The following WSCD2 variants were observed in gnomAD, a reference collection of about 807,000 sequenced individuals.
The protein encoded by WSCD2 is WSC domain sialate O sulfotransferase 2.
A neutral mutation model predicts 55.7 loss-of-function variants in WSCD2; 28 were observed. The observed-to-expected ratio is 0.50, with a 90% confidence interval of 0.37 to 0.69. The LOEUF (loss-of-function observed/expected upper bound fraction) is 0.69. Ranked by LOEUF, WSCD2 falls within the 30% of genes least tolerant of loss-of-function variation. The pLI is 0.00. For missense variants in WSCD2, 616 were observed against 762.1 expected (o/e 0.81, Z 2.26); for synonymous variants, 301 against 301.9 (o/e 1.00, Z 0.03).
intron 8 of WSCD2, among the ~76,000 whole-genome samples, chr12:108,247,550 AGTT>A (rs1482849953): frequency 8.6e-5 from 13 of 152,010 alleles, no homozygotes; most frequent in Admixed American, 2.0e-4. Flanking sequence ...AATTGAGCTA[AGTT>A]GTTATTCTTT....
chr12:108,206,182 TA>T, intron 2 of WSCD2, 106 bp from the exon 3 acceptor site: 2 of 898,634 alleles, frequency 2.2e-6, no homozygotes, highest in Non-Finnish European at 3.6e-6. Context: ...GACTTGACAT[TA>T]AAAGGTCAAC....
intron 1 of WSCD2, among the ~76,000 whole-genome samples, chr12:108,190,805 G>A (rs1442335479): frequency 2.0e-5 from 3 of 152,202 alleles, no homozygotes; most frequent in Non-Finnish European, 4.4e-5. Context: ...GGGAGGCAGA[G>A]TAGAGGTCGT....
At chr12:108,225,006 T>C in intron 5 of WSCD2, 146 bp downstream of exon 5, 1 of 1,242,730 alleles carries the variant, frequency 8.0e-7, no homozygotes, top group Non-Finnish European at 1.1e-6. Flanking sequence ...GAGAGGGATG[T>C]GACCATTTCA....
intron 4 of WSCD2, among the ~76,000 whole-genome samples, chr12:108,218,872 T>A (rs1013727425): frequency 1.3e-5 from 2 of 152,210 alleles, no homozygotes; most frequent in African/African-American, 4.8e-5. Flanking sequence ...CTTGGCATCC[T>A]GAGAAAAGAC....
intron 1 of WSCD2, among the ~76,000 whole-genome samples, chr12:108,139,737 A>G (rs1876590513): frequency 6.6e-6 from 1 of 152,260 alleles, no homozygotes; most frequent in South Asian, 2.1e-4. Context: ...GTAAATGCTC[A>G]GAACAATATT....
At chr12:108,237,934 G>A (rs1889397771) in intron 7 of WSCD2, among the ~76,000 whole-genome samples, 1 of 152,140 alleles carries the variant, frequency 6.6e-6, no homozygotes, top group Admixed American at 6.5e-5. Context: ...CATGTTTCTG[G>A]CAATTTATTT....
At chr12:108,212,584 C>G (rs11613519) in intron 4 of WSCD2, among the ~76,000 whole-genome samples, 9,885 of 140,068 alleles carry the variant, frequency 0.071, 436 homozygotes, top group South Asian at 0.1. Context: ...GTCTCTCCAC[C>G]CCCATTTCTC....
chr12:108,166,775 T>TTCTTTCTTTC (rs1879687550), intron 1 of WSCD2, among the ~76,000 whole-genome samples: 2 of 139,110 alleles, frequency 1.4e-5, no homozygotes, highest in African/African-American at 5.1e-5. Context: ...CTTTCTTTCT[T>TTCTTTCTTTC]TCTTTCTTTC....
chr12:108,162,559 AT>A (rs1193729877), intron 1 of WSCD2, among the ~76,000 whole-genome samples: 1 of 152,180 alleles, frequency 6.6e-6, no homozygotes, highest in Non-Finnish European at 1.5e-5. Context: ...CTTGGCATCT[AT>A]TTTTCCCAAA....
intron 8 of WSCD2, among the ~76,000 whole-genome samples, chr12:108,243,910 AC>A (rs929988497): frequency 9.2e-5 from 14 of 151,440 alleles, no homozygotes; most frequent in African/African-American, 3.4e-4. Context: ...TAGAACCACC[AC>A]CCCCACTCTG....
In WSCD2 at chr12:108,250,413, T is replaced by G. The variant is rs1470147585; in HGVS notation, c.*2070T>G. 2 of 152,246 alleles carry G rather than the reference T, an allele frequency of 1.3e-5. No homozygotes were observed. The highest frequency in any genetic ancestry group is 2.9e-5 in the Non-Finnish European group (2 of 68,080). The allele number at this position is 152,246 out of a possible 1,614,324, so 9.4% of individuals were successfully genotyped here. A position where few individuals can be genotyped will look rare whatever the true frequency, so the allele number is the denominator to read the frequency against. ...AATTGCCTTTGTGTTCTCCTGCCTT[T>G]CTATGTTTTGAAACTGTATCCCACA... On this transcript the variant is annotated 3_prime_UTR_variant, in exon 9 of 9. Transcript: ENST00000547525.
chr12:108,158,944 T>G (rs1878794604), intron 1 of WSCD2, among the ~76,000 whole-genome samples: 1 of 152,186 alleles, frequency 6.6e-6, no homozygotes, highest in African/African-American at 2.4e-5. Flanking sequence ...GGTATTCTGA[T>G]CCAAGCCATC....
intron 2 of WSCD2, among the ~76,000 whole-genome samples, chr12:108,197,352 C>T (rs547471705): frequency 6.6e-6 from 1 of 152,334 alleles, no homozygotes; most frequent in African/African-American, 2.4e-5. Flanking sequence ...CTCTATCTTT[C>T]TGCCCTCAGG....
At chr12:108,144,086 C>T (rs142122912) in intron 1 of WSCD2, among the ~76,000 whole-genome samples, 1 of 152,126 alleles carries the variant, frequency 6.6e-6, no homozygotes, top group East Asian at 1.9e-4. Flanking sequence ...GAGAATTCCA[C>T]TAATTCGGGC....
intron 3 of WSCD2, among the ~76,000 whole-genome samples, chr12:108,208,891 C>G (rs1454905278): frequency 1.3e-5 from 2 of 152,210 alleles, no homozygotes; most frequent in Non-Finnish European, 2.9e-5. Flanking sequence ...ATATTATATT[C>G]TAGAGAATAA....
Position 108,210,075 on chromosome 12 carries a change from G to C in WSCD2, c.498-46G>C, listed in dbSNP as rs1416937163. 1 of 1,612,682 alleles carries C rather than the reference G, an allele frequency of 6.2e-7. No homozygotes were observed. Among genetic ancestry groups the C allele is most frequent in the Non-Finnish European group, 8.5e-7 (1 of 1,179,124 alleles). On this transcript the variant is annotated intron_variant, in intron 3 of 8. Coordinates refer to ENST00000547525, the MANE Select transcript of WSCD2 (RefSeq NM_014653.4). The surrounding 1 kb of genome is among the most constrained non-coding windows in gnomAD (Gnocchi z 4.3). ...TCCATGTTGTGTCTCCCTGCCTCGG[G>C]GTCTCCATGGTGGCAGCTACCCTGC...
chr12:108,210,273 G>C lies in WSCD2; in HGVS notation c.650G>C (p.Arg217Pro). The change falls in exon 4 of 9, where the codon CGG becomes CCG. Residue 217 changes from arginine (R) to proline (P), a missense_variant. Transcript: ENST00000547525. This position sits in a 1 kb window ranked among gnomAD's most constrained non-coding sequence, Gnocchi z 4.3. Reference sequence around the variant, plus strand: ...GGCGCCAACCGCCTCTCTGTCTACCGGCTGCAGCTGGCCCAGGAGTCGGCC... The same window carrying C: ...GGCGCCAACCGCCTCTCTGTCTACCCGCTGCAGCTGGCCCAGGAGTCGGCC... ...CGGANRLSVY[R>P]LQLAQESARR... The C allele has an allele frequency of 6.2e-7, 1 of 1,602,936 alleles. No homozygotes were observed. The highest frequency in any genetic ancestry group is 8.5e-7 in the Non-Finnish European group (1 of 1,175,476).
chr12:108,248,100 G>A lies in WSCD2; in HGVS notation c.1455G>A (p.Gln485=). 6.2e-7 allele frequency: 1 copy of A among 1,614,236 alleles called. No homozygotes were observed. The highest frequency in any genetic ancestry group is 8.5e-7 in the Non-Finnish European group (1 of 1,180,050). ...VLVVHFEDLK[Q]DLFVQLGRMV... ...TGGTGCACTTTGAGGACCTGAAGCAGGACCTCTTTGTCCAGCTGGGCCGGA... is the reference window on the plus strand; with the variant it reads ...TGGTGCACTTTGAGGACCTGAAGCAAGACCTCTTTGTCCAGCTGGGCCGGA... Residue 485 remains glutamine (Q), a synonymous_variant, in exon 9 of 9, where the codon CAG becomes CAA. Coordinates refer to ENST00000547525, the MANE Select transcript of WSCD2 (RefSeq NM_014653.4). This position sits in a 1 kb window ranked among gnomAD's most constrained non-coding sequence, Gnocchi z 4.3.
At position 108,210,682 on chromosome 12, in the gene WSCD2, C is replaced by T. The variant is rs1354741021; in HGVS notation, c.682+377C>T. On this transcript the variant is annotated intron_variant, in intron 4 of 8. Coordinates refer to ENST00000547525, the MANE Select transcript of WSCD2 (RefSeq NM_014653.4). This position sits in a 1 kb window ranked among gnomAD's most constrained non-coding sequence, Gnocchi z 4.3. ...GTAATGGCAATAGCAAACACTTTGT[C>T]CTTTTCTCCATGCCTCATATAGAAT... Among the ~76,000 whole-genome samples, 1 of 152,208 alleles carries T rather than the reference C, an allele frequency of 6.6e-6. No individual in the cohort carries two copies. The highest frequency in any genetic ancestry group is 1.9e-4 in the East Asian group (1 of 5,202).
Sources: allele counts gnomAD v4.1 joint callset (sites outside exome capture counted in the v4.1 genomes callset), GRCh38; gene constraint gnomAD v4.1.1; non-coding constraint Gnocchi (gnomAD v3.1); transcripts MANE v1.5; gene names NCBI Gene and HGNC (gene_info 2026-07-23, HGNC 2026-07-21).